RANBP17: variants seen among roughly 807,000 people sequenced by gnomAD.
The protein encoded by RANBP17 is ran-binding protein 17.
Under a neutral mutation model 141.2 loss-of-function variants are expected in RANBP17, and 158 were observed. The observed-to-expected ratio is 1.12, with a 90% CI of 0.98 to 1.28. RANBP17 has a LOEUF of 1.28. Among genes scored for constraint, RANBP17 ranks in the 50% most tolerant of loss-of-function variants. The pLI, the probability that RANBP17 is intolerant of heterozygous loss-of-function variation, is 0.00. For missense variants in RANBP17, 1,438 were observed against 1,290.7 expected, an observed-to-expected ratio of 1.11 and a Z score of -1.75; for synonymous variants, 430 against 450.0, an observed-to-expected ratio of 0.96 and a Z score of 0.56.
chr5:171,238,712 G>A (rs1764692000), intron 22 of RANBP17, among the ~76,000 whole-genome samples: 1 of 152,176 alleles, frequency 6.6e-6, no homozygotes, highest in African/African-American at 2.4e-5. Flanking sequence ...AAACAGTGGT[G>A]TAGAACTGTT....
At chr5:170,878,034 G>A (rs1581032885) in intron 1 of RANBP17, 63 bp from the exon 2 acceptor site, 12 of 1,197,242 alleles carry the variant, frequency 1.0e-5, no homozygotes, top group African/African-American at 1.5e-5. Flanking sequence ...CTTGTTTTTT[G>A]TGGTTAAATA....
At chr5:170,903,953 T>A in intron 5 of RANBP17, 1 of 509,962 alleles carries the variant, frequency 2.0e-6, no homozygotes, top group South Asian at 1.6e-5. Context: ...GCCTAACACC[T>A]CTATACACAC....
rs139000782 is a variant in RANBP17 at position 170,909,877 on chromosome 5, G to T, written c.594+112G>T. The T allele has an allele frequency of 1.0e-3, 659 of 654,024 alleles. 3 individuals are homozygous for T. The African/African-American group carries it at 0.011, about 11-fold the overall frequency. The allele number at this position is 654,024 out of a possible 1,614,324, so 40.5% of individuals were successfully genotyped here. A position where few individuals can be genotyped will look rare whatever the true frequency, so the allele number is the denominator to read the frequency against. On this transcript the variant is annotated intron_variant, in intron 6 of 27. Transcript: ENST00000523189. Reference sequence around the variant, plus strand: ...CAGTTTTGCCTTTTAAAGAATTATTGTGGACAGACTTAAGTATAGTAAATT... The same window carrying T: ...CAGTTTTGCCTTTTAAAGAATTATTTTGGACAGACTTAAGTATAGTAAATT...
rs139466105 is a variant in RANBP17, at chr5:170,984,754, C to T, written c.1710+16377C>T. On this transcript the variant is annotated intron_variant, in intron 14 of 27. Transcript: ENST00000523189. ...TTTCTTAGACTGTATCAGAATTTTA[C>T]AGTATTTCCTGTTTATTTTTGTATC... Among the ~76,000 whole-genome samples, 13 of 152,202 alleles carry T rather than the reference C, an allele frequency of 8.5e-5. No homozygotes were observed. In the East Asian group the frequency reaches 2.1e-3, roughly 25 times the overall value.
chr5:170,965,186 T>A (rs1776455028), intron 13 of RANBP17, among the ~76,000 whole-genome samples: 1 of 152,214 alleles, frequency 6.6e-6, no homozygotes, highest in Admixed American at 6.5e-5. Flanking sequence ...TTTGGCTGCA[T>A]AAATGTCTTC....
intron 14 of RANBP17, among the ~76,000 whole-genome samples, chr5:171,063,633 C>T (rs1005784335): frequency 6.6e-6 from 1 of 152,228 alleles, no homozygotes; most frequent in African/African-American, 2.4e-5. Context: ...CTTGAGGAGG[C>T]AGTCTGCCCG....
chr5:171,213,774 A>G (rs1438984339), intron 21 of RANBP17, 36 bp downstream of exon 21: 3 of 1,426,648 alleles, frequency 2.1e-6, no homozygotes, highest in Admixed American at 3.4e-5. Context: ...AAAACAGTCT[A>G]CTATTAGCGG....
At chr5:170,915,912 G>A (rs1436875987) in intron 8 of RANBP17, among the ~76,000 whole-genome samples, 3 of 152,088 alleles carry the variant, frequency 2.0e-5, no homozygotes, top group Admixed American at 1.3e-4. Context: ...GCATGTACAG[G>A]CCTTGAACTG....
chr5:171,114,251 T>C (rs1356241929), intron 14 of RANBP17, among the ~76,000 whole-genome samples: 2 of 152,124 alleles, frequency 1.3e-5, no homozygotes, highest in Non-Finnish European at 2.9e-5. Flanking sequence ...TCAGAACCTT[T>C]CTTTTGGCAT....
At chr5:170,914,679 G>A (rs1225629490) in intron 8 of RANBP17, among the ~76,000 whole-genome samples, 2 of 152,072 alleles carry the variant, frequency 1.3e-5, no homozygotes, top group Non-Finnish European at 2.9e-5. Flanking sequence ...GAAATGAAGG[G>A]GATCTACTCA....
chr5:171,281,857 T>A (rs1767882044), intron 25 of RANBP17, among the ~76,000 whole-genome samples: 1 of 152,218 alleles, frequency 6.6e-6, no homozygotes, highest in South Asian at 2.1e-4. Context: ...TTTTGGAGAC[T>A]GCACCTTAAG....
intron 1 of RANBP17, among the ~76,000 whole-genome samples, chr5:170,865,969 AATTATTGCAAACTG>A (rs1767224134): frequency 6.6e-6 from 1 of 152,152 alleles, no homozygotes; most frequent in African/African-American, 2.4e-5. Flanking sequence ...AATATGCACT[AATTATTGCAAACTG>A]GGTGAGCTCA....
At chr5:170,862,097 A>G in intron 1 of RANBP17, 46 bp downstream of exon 1, 2 of 1,430,886 alleles carry the variant, frequency 1.4e-6, no homozygotes, top group Non-Finnish European at 1.8e-6. Flanking sequence ...CACGCTGGGA[A>G]CCCGGCGGGA....
intron 14 of RANBP17, among the ~76,000 whole-genome samples, chr5:171,130,728 C>A (rs76171586): frequency 6.6e-6 from 1 of 151,866 alleles, no homozygotes; most frequent in African/African-American, 2.4e-5. Context: ...GTAGAAACAC[C>A]GTTTTATTTG....
chr5:171,253,076 G>A (rs1224045977), intron 24 of RANBP17: 1 of 779,658 alleles, frequency 1.3e-6, no homozygotes, highest in East Asian at 2.5e-5. Context: ...CAAGAAAAGA[G>A]AAAATGCAGG....
intron 25 of RANBP17, among the ~76,000 whole-genome samples, chr5:171,276,759 C>T (rs1767511285): frequency 6.6e-6 from 1 of 152,104 alleles, no homozygotes; most frequent in South Asian, 2.1e-4. Context: ...AGGACAGCTA[C>T]ACAGGGTTAG....
intron 13 of RANBP17, among the ~76,000 whole-genome samples, chr5:170,967,549 A>T (rs914232038): frequency 6.6e-6 from 1 of 151,146 alleles, no homozygotes; most frequent in East Asian, 1.9e-4. Flanking sequence ...TTTTCATTAT[A>T]TTGAATTAAG....
In RANBP17 at chr5:171,265,702, G is replaced by A. The variant is rs1581148281; in HGVS notation, c.2798G>A (p.Cys933Tyr). Residue 933 changes from cysteine to tyrosine, a missense_variant, in exon 25 of 28, where the codon TGC becomes TAC. By Grantham distance (194) the Cys-to-Tyr change is radical (BLOSUM62 -2). Coordinates refer to ENST00000523189, the MANE Select transcript of RANBP17 (RefSeq NM_022897.5). ...ACAGATACAGTTGTCTCCTCCAGCTGCTGTACCAGTTTAGACTACATCGTC... is the reference window on the plus strand; with the variant it reads ...ACAGATACAGTTGTCTCCTCCAGCTACTGTACCAGTTTAGACTACATCGTC... ...TTLDTVVSSS[C>Y]CTSLDYIVTY... The A allele has an allele frequency of 6.2e-7, 1 of 1,613,342 alleles. No homozygotes were observed. The highest frequency in any genetic ancestry group is 1.7e-5 in the Admixed American group (1 of 59,850).
intron 14 of RANBP17, among the ~76,000 whole-genome samples, chr5:171,156,435 T>A (rs1039611370): frequency 6.6e-6 from 1 of 152,144 alleles, no homozygotes; most frequent in African/African-American, 2.4e-5. Flanking sequence ...TAAAATAAAT[T>A]TTGGAGTATT....
Sources: allele counts gnomAD v4.1 joint callset (sites outside exome capture counted in the v4.1 genomes callset), GRCh38; gene constraint gnomAD v4.1.1; transcripts MANE v1.5; gene names NCBI Gene and HGNC (gene_info 2026-07-23, HGNC 2026-07-21).